NUPR2: variants seen among roughly 807,000 people sequenced by gnomAD.
NUPR2 encodes the protein nuclear protein 2, transcriptional regulator.
NUPR2 carries 14 observed loss-of-function variants against 7.3 expected under a neutral mutation model. That is an observed-to-expected ratio of 1.93 (90% CI 1.27 to 3.01). The LOEUF (loss-of-function observed/expected upper bound fraction) is 3.01. Ranked by LOEUF, NUPR2 falls within the 30% of genes most tolerant of loss-of-function variation. The probability of loss-of-function intolerance (pLI) is 0.00; values close to 1 mark genes in which losing one functional copy is unlikely to be tolerated. For missense variants in NUPR2, 162 were observed against 143.7 expected (o/e 1.13, Z -0.65); for synonymous variants, 56 against 59.7 (o/e 0.94, Z 0.29).
Position 56,114,797 on chromosome 7 carries a change from G to T in NUPR2, c.*107C>A, listed in dbSNP as rs759875460. The T allele has an allele frequency of 3.3e-5, 5 of 152,224 alleles. No individual in the cohort carries two copies. The highest frequency in any genetic ancestry group is 5.9e-5 in the Non-Finnish European group (4 of 68,046). The allele number at this position is 152,224 out of a possible 1,614,324, so 9.4% of individuals were successfully genotyped here. A position where few individuals can be genotyped will look rare whatever the true frequency, so the allele number is the denominator to read the frequency against. The stretch of plus-strand genomic sequence containing the variant: ...AGATATCGAAGCAGTAAACTTAAGT[G>T]ACAGCGAAAAGTTCTGTTGACCAAA... On this transcript the variant is annotated 3_prime_UTR_variant, in exon 2 of 2. Transcript: ENST00000329309.
rs1562891848 is a variant in NUPR2 at position 56,115,428 on chromosome 7, T to C, written c.*7-531A>G. 8.1e-3 allele frequency among the ~76,000 whole-genome samples: 373 copies of C among 45,922 alleles called. 55 individuals carry two copies. The highest frequency in any genetic ancestry group is 0.013 in the East Asian group (10 of 754). The allele number at this position is 45,922 out of a possible 152,430, so 30.1% of individuals were successfully genotyped here. A position where few individuals can be genotyped will look rare whatever the true frequency, so the allele number is the denominator to read the frequency against. Reference sequence around the variant, plus strand: ...ATATATATATATATATATATATATATTTGTGTGTGTGTGTGTGTGTGTGTG... The same window carrying C: ...ATATATATATATATATATATATATACTTGTGTGTGTGTGTGTGTGTGTGTG... On this transcript the variant is annotated intron_variant, in intron 1 of 1. Transcript: ENST00000329309.
chr7:56,115,670 C>A (rs1785538157), intron 1 of NUPR2, among the ~76,000 whole-genome samples: 1 of 133,552 alleles, frequency 7.5e-6, no homozygotes. Flanking sequence ...CGGGGTTTCA[C>A]CATATTGGCC....
Position 56,115,450 on chromosome 7 carries a change from TG to T in NUPR2, c.*7-554del, listed in dbSNP as rs1785531861. Among the ~76,000 whole-genome samples the T allele has an allele frequency of 1.1e-4, 9 of 78,618 alleles. 1 individual carries two copies. Among genetic ancestry groups the T allele is most frequent in the Non-Finnish European group, 2.3e-4 (9 of 39,342 alleles). The allele number at this position is 78,618 out of a possible 152,430, so 51.6% of individuals were successfully genotyped here. A position where few individuals can be genotyped will look rare whatever the true frequency, so the allele number is the denominator to read the frequency against. ...ATATTTGTGTGTGTGTGTGTGTGTGTGTGTGTGTGTGTGTGTGTGTGTGTGT... is the reference window on the plus strand; with the variant it reads ...ATATTTGTGTGTGTGTGTGTGTGTGTTGTGTGTGTGTGTGTGTGTGTGTGT... On this transcript the variant is annotated intron_variant, in intron 1 of 1. Coordinates refer to ENST00000329309, the MANE Select transcript of NUPR2 (RefSeq NM_001145712.2).
rs57272607 is a variant in NUPR2 at position 56,115,625 on chromosome 7, T to TTATATATATATATATATATATATATA, written c.*6+389_*6+390insTATATATATATATATATATATATATA. Among the ~76,000 whole-genome samples the TTATATATATATATATATATATATATA allele has an allele frequency of 4.8e-4, 50 of 105,188 alleles. 1 individual carries two copies. The highest frequency in any genetic ancestry group is 1.2e-3 in the East Asian group (3 of 2,406). The allele number at this position is 105,188 out of a possible 152,430, so 69.0% of individuals were successfully genotyped here. ...CGCGCACCACAGTGCCTGGCTAATT[T>TTATATATATATATATATATATATATA]TATATATATATATATATATATATTT... is the stretch of plus-strand genomic sequence containing the variant. On this transcript the variant is annotated intron_variant, in intron 1 of 1. Transcript: ENST00000329309.
intron 1 of NUPR2, among the ~76,000 whole-genome samples, chr7:56,115,429 T>TATATATATACGTA (rs1554376538): frequency 3.2e-5 from 1 of 30,988 alleles, no homozygotes; most frequent in Non-Finnish European, 5.4e-5. Flanking sequence ...ATATATATAT[T>TATATATATACGTA]TGTGTGTGTG....
Position 56,116,120 on chromosome 7 carries a change from A to C in NUPR2, c.195T>G (p.Pro65=). The change falls in exon 1 of 2, where the codon CCT becomes CCG. Residue 65 remains proline, a synonymous_variant. Coordinates refer to ENST00000329309, the MANE Select transcript of NUPR2 (RefSeq NM_001145712.2). The part of the protein sequence containing the change: ...EQALRTNWPA[P]GGHERKVAQK... ...GCGCGACCTTGCGCTCGTGCCCGCC[A>C]GGTGCAGGCCAGTTGGTGCGCAGCG... is the stretch of plus-strand genomic sequence containing the variant. 1 of 1,542,354 alleles carries C rather than the reference A, an allele frequency of 6.5e-7. No individual in the cohort carries two copies. The highest frequency in any genetic ancestry group is 8.7e-7 in the Non-Finnish European group (1 of 1,143,314).
At chr7:56,115,625 TTATATATATA>T (rs57272607) in intron 1 of NUPR2, among the ~76,000 whole-genome samples, 3 of 105,210 alleles carry the variant, frequency 2.9e-5, no homozygotes, top group East Asian at 4.2e-4. Flanking sequence ...CTGGCTAATT[TTATATATATA>T]TATATATATA....
In NUPR2 at chr7:56,114,882, C is replaced by T. The variant is rs190379878; in HGVS notation, c.*22G>A. On this transcript the variant is annotated 3_prime_UTR_variant, in exon 2 of 2. Coordinates refer to ENST00000329309, the MANE Select transcript of NUPR2 (RefSeq NM_001145712.2). Reference sequence around the variant, plus strand: ...TTGGAGTTACAGTAAATACTTCGAACAGGTCCTTCGGTATCCTGTAGGAAA... The same window carrying T: ...TTGGAGTTACAGTAAATACTTCGAATAGGTCCTTCGGTATCCTGTAGGAAA... 3 of 152,236 alleles carry T rather than the reference C, an allele frequency of 2.0e-5. No homozygotes were observed. Among genetic ancestry groups the T allele is most frequent in the Non-Finnish European group, 2.9e-5 (2 of 68,038 alleles). The allele number at this position is 152,236 out of a possible 1,614,324, so 9.4% of individuals were successfully genotyped here. A position where few individuals can be genotyped will look rare whatever the true frequency, so the allele number is the denominator to read the frequency against.
chr7:56,115,429 T>TTATATATATACA (rs1554376539), intron 1 of NUPR2, among the ~76,000 whole-genome samples: 1 of 30,988 alleles, frequency 3.2e-5, no homozygotes, highest in Non-Finnish European at 5.4e-5. Context: ...ATATATATAT[T>TTATATATATACA]TGTGTGTGTG....
rs1562891898 is a variant in NUPR2 at position 56,115,439 on chromosome 7, G to GTATATATATATATA, written c.*7-543_*7-542insTATATATATATATA. On this transcript the variant is annotated intron_variant, in intron 1 of 1. Coordinates refer to ENST00000329309, the MANE Select transcript of NUPR2 (RefSeq NM_001145712.2). ...TATATATATATATATTTGTGTGTGT[G>GTATATATATATATA]TGTGTGTGTGTGTGTGTGTGTGTGT... Among the ~76,000 whole-genome samples the GTATATATATATATA allele has an allele frequency of 9.4e-4, 33 of 34,972 alleles. 2 individuals are homozygous for GTATATATATATATA. The highest frequency in any genetic ancestry group is 4.8e-3 in the East Asian group (3 of 626). The allele number at this position is 34,972 out of a possible 152,430, so 22.9% of individuals were successfully genotyped here. A position where few individuals can be genotyped will look rare whatever the true frequency, so the allele number is the denominator to read the frequency against.
intron 1 of NUPR2, among the ~76,000 whole-genome samples, chr7:56,115,264 C>T (rs1785520043): frequency 6.7e-6 from 1 of 148,756 alleles, no homozygotes; most frequent in Admixed American, 6.8e-5. Flanking sequence ...TGAGTATGAG[C>T]GCCGGAAGAA....
At position 56,116,121 on chromosome 7, in the gene NUPR2, G is replaced by A; in HGVS notation, c.194C>T (p.Pro65Leu). 1 of 1,542,470 alleles carries A rather than the reference G, an allele frequency of 6.5e-7. No individual in the cohort carries two copies. The highest frequency in any genetic ancestry group is 8.7e-7 in the Non-Finnish European group (1 of 1,143,346). ...CGCGACCTTGCGCTCGTGCCCGCCA[G>A]GTGCAGGCCAGTTGGTGCGCAGCGC... ...EQALRTNWPA[P>L]GGHERKVAQK... Residue 65 changes from proline (P) to leucine (L), a missense_variant, in exon 1 of 2, where the codon CCT becomes CTT. Physicochemically the swap from Pro to Leu is moderately conservative, Grantham distance 98 (BLOSUM62 -3). Coordinates refer to ENST00000329309, the MANE Select transcript of NUPR2 (RefSeq NM_001145712.2).
chr7:56,115,623 TTTTA>T lies in NUPR2; in HGVS notation c.*6+388_*6+391del, dbSNP rs1255321001. On this transcript the variant is annotated intron_variant, in intron 1 of 1. Coordinates refer to ENST00000329309, the MANE Select transcript of NUPR2 (RefSeq NM_001145712.2). ...GGCGCGCACCACAGTGCCTGGCTAA[TTTTA>T]TATATATATATATATATATATTTTA... is the stretch of plus-strand genomic sequence containing the variant. 5.2e-4 allele frequency among the ~76,000 whole-genome samples: 26 copies of T among 50,478 alleles called. 1 individual carries two copies. Among genetic ancestry groups the T allele is most frequent in the African/African-American group, 2.4e-3 (20 of 8,448 alleles). 33.1% of individuals were successfully genotyped at this position (50,478 alleles called of 152,430 possible). A position where few individuals can be genotyped will look rare whatever the true frequency, so the allele number is the denominator to read the frequency against.
intron 1 of NUPR2, among the ~76,000 whole-genome samples, chr7:56,115,648 T>TATATATA (rs1562892028): frequency 1.2e-4 from 16 of 128,314 alleles, no homozygotes; most frequent in Admixed American, 2.4e-4. Context: ...TATATATATA[T>TATATATA]TTTAGTAGAG....
intron 1 of NUPR2, among the ~76,000 whole-genome samples, chr7:56,115,429 T>TATATG (rs1554376538): frequency 3.2e-5 from 1 of 30,988 alleles, no homozygotes; most frequent in Non-Finnish European, 5.4e-5. Context: ...ATATATATAT[T>TATATG]TGTGTGTGTG....
chr7:56,115,228 G>A (rs144638785), intron 1 of NUPR2, among the ~76,000 whole-genome samples: 142 of 149,336 alleles, frequency 9.5e-4, no homozygotes, highest in African/African-American at 3.2e-3. Context: ...GAGCCACCGG[G>A]CCCAGCCCAA....
Position 56,115,999 on chromosome 7 carries a change from T to G in NUPR2, c.*6+16A>C. 1 of 1,435,008 alleles carries G rather than the reference T, an allele frequency of 7.0e-7. No individual in the cohort carries two copies. The highest frequency in any genetic ancestry group is 1.4e-5 in the South Asian group (1 of 70,120). 88.9% of individuals were successfully genotyped at this position (1,435,008 alleles called of 1,614,324 possible). On this transcript the variant is annotated intron_variant, in intron 1 of 1. Transcript: ENST00000329309. ...TCCCCGGGGCACTGGTTGGGGGAGG[T>G]GTTGGGCGCACGTACCCAGGCTCAG...
rs1203152378 is a variant in NUPR2, at chr7:56,116,320, C to A, written c.-6G>T. ...CGCTCTGCGGGCGCTTCCATCCTGC[C>A]CAGGCCTGTGGCCACCGGCGGCCAC... On this transcript the variant is annotated 5_prime_UTR_variant, in exon 1 of 2. Transcript: ENST00000329309. 1 of 1,389,610 alleles carries A rather than the reference C, an allele frequency of 7.2e-7. No individual in the cohort carries two copies. The highest frequency in any genetic ancestry group is 3.0e-5 in the East Asian group (1 of 32,910). 86.1% of individuals were successfully genotyped at this position (1,389,610 alleles called of 1,614,324 possible). A position where few individuals can be genotyped will look rare whatever the true frequency, so the allele number is the denominator to read the frequency against.
intron 1 of NUPR2, among the ~76,000 whole-genome samples, chr7:56,115,453 G>A (rs1300688000): frequency 0.56 from 21,750 of 38,548 alleles, 7,683 homozygotes; most frequent in African/African-American, 0.63. Flanking sequence ...GTGTGTGTGT[G>A]TGTGTGTGTG....
Sources: gnomAD v4.1 joint callset for allele counts (sites outside exome capture counted in the v4.1 genomes callset) on GRCh38, gnomAD v4.1.1 for gene constraint, MANE v1.5 for transcripts, NCBI Gene and HGNC (gene_info 2026-07-23, HGNC 2026-07-21) for gene names.